Variants in TTC12 observed in about 807,000 individuals in gnomAD.
TTC12 encodes the protein tetratricopeptide repeat domain 12.
Under a neutral mutation model 90.1 loss-of-function variants are expected in TTC12, and 70 were observed. The ratio of observed to expected loss-of-function variants is 0.78; its 90% CI spans 0.64 to 0.95. TTC12 has a LOEUF of 0.95. Ranked by LOEUF, TTC12 falls within the 40% of genes least tolerant of loss-of-function variation. The probability of loss-of-function intolerance (pLI) is 0.00; values close to 1 mark genes in which losing one functional copy is unlikely to be tolerated. For synonymous variants in TTC12, 296 were observed against 311.5 expected, an observed-to-expected ratio of 0.95 and a Z score of 0.53; for missense variants, 819 against 846.1, an observed-to-expected ratio of 0.97 and a Z score of 0.40.
chr11:113,364,968 C>T lies in TTC12; in HGVS notation c.1950C>T (p.Val650=). The T allele has an allele frequency of 6.2e-7, 1 of 1,614,140 alleles. No homozygotes were observed. The highest frequency in any genetic ancestry group is 8.5e-7 in the Non-Finnish European group (1 of 1,180,022). Residue 650 remains valine (V), a synonymous_variant, in exon 21 of 22, where the codon GTC becomes GTT. Transcript: ENST00000529221. ...TGCTAAAGACGGACCTTTTGCAGGTCTTGTTAAAGCTTGCAGGCAGTGACA... is the reference window on the plus strand; with the variant it reads ...TGCTAAAGACGGACCTTTTGCAGGTTTTGTTAAAGCTTGCAGGCAGTGACA... ...SSLLKTDLLQ[V]LLKLAGSDTQ...
intron 8 of TTC12, among the ~76,000 whole-genome samples, chr11:113,336,950 T>C (rs1350965473): frequency 6.6e-6 from 1 of 152,256 alleles, no homozygotes; most frequent in Non-Finnish European, 1.5e-5. Context: ...TACTGCTATC[T>C]AAACAATATT....
intron 8 of TTC12, among the ~76,000 whole-genome samples, chr11:113,338,413 G>A (rs1376479370): frequency 6.6e-6 from 1 of 152,046 alleles, no homozygotes; most frequent in Non-Finnish European, 1.5e-5. Flanking sequence ...ACTCCATATG[G>A]ACATATTTGA....
chr11:113,363,652 C>T (rs1555156133), intron 19 of TTC12, among the ~76,000 whole-genome samples, 176 bp from the exon 20 acceptor site: 1 of 152,194 alleles, frequency 6.6e-6, no homozygotes, highest in Non-Finnish European at 1.5e-5. Flanking sequence ...ATGCGGGTGA[C>T]ACTCTGTTCC....
intron 8 of TTC12, 133 bp downstream of exon 8, chr11:113,335,170 C>A: frequency 1.4e-6 from 1 of 696,608 alleles, no homozygotes; most frequent in Non-Finnish European, 2.4e-6. Context: ...AGGTAAAGCT[C>A]AAGATCTTAA....
Position 113,360,028 on chromosome 11 carries a change from A to G in TTC12, c.1614+20A>G, listed in dbSNP as rs782434005. On this transcript the variant is annotated intron_variant, in intron 18 of 21. Transcript: ENST00000529221. Reference sequence around the variant, plus strand: ...CTGACAGTAAGTTTCTCCCAGGGAAATCCAGAAGCAGCTTCCATTGTTCTT... The same window carrying G: ...CTGACAGTAAGTTTCTCCCAGGGAAGTCCAGAAGCAGCTTCCATTGTTCTT... 1 of 1,275,582 alleles carries G rather than the reference A, an allele frequency of 7.8e-7. No individual in the cohort carries two copies. The highest frequency in any genetic ancestry group is 1.3e-5 in the South Asian group (1 of 75,626). The allele number at this position is 1,275,582 out of a possible 1,614,324, so 79.0% of individuals were successfully genotyped here.
chr11:113,323,988 C>A lies in TTC12; in HGVS notation c.223-6C>A. ...TCTTTGTTTTTATGGTAACCTACGT[C>A]TACAGAGTGCAGAAGAAATAAACTC... On this transcript the variant is annotated splice_region_variant and splice_polypyrimidine_tract_variant and intron_variant, in intron 3 of 21. Coordinates refer to ENST00000529221, the MANE Select transcript of TTC12 (RefSeq NM_017868.4). The A allele has an allele frequency of 6.2e-7, 1 of 1,611,128 alleles. No homozygotes were observed. The highest frequency in any genetic ancestry group is 8.5e-7 in the Non-Finnish European group (1 of 1,178,074).
At chr11:113,368,235 A>G (rs1281997674), downstream of TTC12, 1 of 1,512,386 alleles carries the variant, frequency 6.6e-7, no homozygotes, top group African/African-American at 1.4e-5. Context: ...AGTCTGCTGC[A>G]CCTGAAGCTC....
At chr11:113,324,559 G>C (rs1555140150) in intron 4 of TTC12, 46 bp from the exon 5 acceptor site, 7 of 1,525,254 alleles carry the variant, frequency 4.6e-6, no homozygotes, top group African/African-American at 1.4e-5. Flanking sequence ...ACTGATTATA[G>C]TATTTGGATT....
intron 11 of TTC12, among the ~76,000 whole-genome samples, 168 bp downstream of exon 11, chr11:113,340,901 A>T (rs1948644962): frequency 6.6e-6 from 1 of 152,156 alleles, no homozygotes; most frequent in African/African-American, 2.4e-5. Flanking sequence ...AACATCTTTG[A>T]GTGCTTTCCC....
intron 7 of TTC12, among the ~76,000 whole-genome samples, chr11:113,334,063 T>C (rs1555143305): frequency 6.6e-6 from 1 of 152,202 alleles, no homozygotes; most frequent in Non-Finnish European, 1.5e-5. Flanking sequence ...TTAGGCGGCC[T>C]GGCCAACAAC....
Position 113,348,713 on chromosome 11 carries a change from C to G in TTC12, c.1155-1360C>G, listed in dbSNP as rs368732347. ...TGAGGACTTTATAAAAAAGCAGCCT[C>G]CTGGAGCTTCCTCCCACTCAGAGTA... On this transcript the variant is annotated intron_variant, in intron 13 of 21. Coordinates refer to ENST00000529221, the MANE Select transcript of TTC12 (RefSeq NM_017868.4). Among the ~76,000 whole-genome samples the G allele has an allele frequency of 1.0e-3, 154 of 152,354 alleles. 1 individual carries two copies. Among genetic ancestry groups the G allele is most frequent in the African/African-American group, 3.5e-3 (146 of 41,580 alleles).
intron 8 of TTC12, among the ~76,000 whole-genome samples, chr11:113,338,144 A>G (rs1948480985): frequency 6.6e-6 from 1 of 152,084 alleles, no homozygotes; most frequent in Non-Finnish European, 1.5e-5. Context: ...TACTCTGGGC[A>G]GTTCTTATAT....
intron 16 of TTC12, among the ~76,000 whole-genome samples, chr11:113,355,571 ACTTTT>A (rs1949589355): frequency 6.6e-6 from 1 of 151,948 alleles, no homozygotes; most frequent in Admixed American, 6.6e-5. Context: ...GATATTTCTA[ACTTTT>A]TAGTTAGAAA....
At chr11:113,323,075 C>G (rs1319943687) in intron 2 of TTC12, among the ~76,000 whole-genome samples, 1 of 138,848 alleles carries the variant, frequency 7.2e-6, no homozygotes, top group African/African-American at 2.7e-5. Context: ...AAGCTAATAG[C>G]TATACTCACC....
chr11:113,351,344 G>A, intron 15 of TTC12, 45 bp downstream of exon 15: 1 of 1,492,150 alleles, frequency 6.7e-7, no homozygotes. Context: ...ACACTCTCAG[G>A]AGCGTGAATG....
intron 13 of TTC12, 57 bp from the exon 14 acceptor site, chr11:113,350,016 T>G: frequency 7.3e-7 from 1 of 1,368,946 alleles, no homozygotes; most frequent in Non-Finnish European, 1.0e-6. Context: ...GGTTACCCTG[T>G]TGGGATGTTG....
At chr11:113,328,352 C>T (rs1947819985) in intron 6 of TTC12, among the ~76,000 whole-genome samples, 1 of 152,156 alleles carries the variant, frequency 6.6e-6, no homozygotes, top group South Asian at 2.1e-4. Context: ...TATAGTCTTT[C>T]ATTTGTTTAT....
chr11:113,365,465 G>A (rs1950157922), intron 21 of TTC12: 1 of 225,520 alleles, frequency 4.4e-6, no homozygotes. Flanking sequence ...CCCACTTCAT[G>A]TTCTTTGCCT....
At chr11:113,328,961 C>T (rs1282480637) in intron 6 of TTC12, among the ~76,000 whole-genome samples, 2 of 152,140 alleles carry the variant, frequency 1.3e-5, no homozygotes, top group East Asian at 1.9e-4. Context: ...GTATCAACTC[C>T]TCTTCATTTC....
Sources: allele counts gnomAD v4.1 joint callset (sites outside exome capture counted in the v4.1 genomes callset), GRCh38; gene constraint gnomAD v4.1.1; transcripts MANE v1.5; gene names NCBI Gene and HGNC (gene_info 2026-07-23, HGNC 2026-07-21).